RIPOR2: variants seen among roughly 807,000 people sequenced by gnomAD.
RIPOR2 encodes the protein rho family-interacting cell polarization regulator 2.
A neutral mutation model predicts 114.5 loss-of-function variants in RIPOR2; 39 were observed. The ratio of observed to expected loss-of-function variants is 0.34; its 90% CI spans 0.26 to 0.44. The LOEUF (loss-of-function observed/expected upper bound fraction) is 0.44. Ranked by LOEUF, RIPOR2 falls within the 20% of genes least tolerant of loss-of-function variation. RIPOR2 has a pLI of 1.00. For synonymous variants in RIPOR2, 445 were observed against 484.4 expected, an observed-to-expected ratio of 0.92 and a Z score of 1.07; for missense variants, 1,007 against 1,255.1, an observed-to-expected ratio of 0.80 and a Z score of 2.99.
At chr6:24,827,144 A>G (rs560388236) in intron 18 of RIPOR2, among the ~76,000 whole-genome samples, 13 of 152,282 alleles carry the variant, frequency 8.5e-5, no homozygotes, top group African/African-American at 3.1e-4. Flanking sequence ...AATGAAGACT[A>G]TAATATTATA....
chr6:24,920,499 A>G (rs1224868044), intron 1 of RIPOR2, among the ~76,000 whole-genome samples: 1 of 152,204 alleles, frequency 6.6e-6, no homozygotes, highest in Non-Finnish European at 1.5e-5. Flanking sequence ...TAGTGTTCTG[A>G]ACAGTTTGCA....
intron 1 of RIPOR2, among the ~76,000 whole-genome samples, chr6:24,927,842 C>A (rs745755124): frequency 5.9e-5 from 9 of 152,154 alleles, no homozygotes; most frequent in Non-Finnish European, 1.2e-4. Context: ...TTTGCTCATT[C>A]CACAGCATAT....
At chr6:24,945,520 A>G (rs1358074018) in intron 1 of RIPOR2, among the ~76,000 whole-genome samples, 2 of 152,226 alleles carry the variant, frequency 1.3e-5, no homozygotes, top group Non-Finnish European at 2.9e-5. Context: ...GATTTAAAAG[A>G]CAATTGCGTA....
chr6:24,980,240 T>C (rs1337977768), intron 1 of RIPOR2, among the ~76,000 whole-genome samples: 1 of 152,220 alleles, frequency 6.6e-6, no homozygotes, highest in Non-Finnish European at 1.5e-5. Flanking sequence ...TACTCTCCTT[T>C]CAGCTTTGTC....
intron 21 of RIPOR2, among the ~76,000 whole-genome samples, chr6:24,807,356 C>T (rs1280024158): frequency 6.6e-6 from 1 of 152,034 alleles, no homozygotes. Flanking sequence ...ACCTGTAGTC[C>T]CAGCTACTTG....
At chr6:24,991,546 G>T (rs1774815714) in intron 1 of RIPOR2, among the ~76,000 whole-genome samples, 2 of 152,098 alleles carry the variant, frequency 1.3e-5, no homozygotes, top group South Asian at 2.1e-4. Flanking sequence ...GTAACCAAGG[G>T]ACATCTATGC....
intron 1 of RIPOR2, among the ~76,000 whole-genome samples, chr6:25,005,740 T>TATAA (rs1491374316): frequency 9.6e-6 from 1 of 104,520 alleles, no homozygotes; most frequent in East Asian, 3.8e-4. Flanking sequence ...TATATATATA[T>TATAA]ACATTTACCG....
intron 1 of RIPOR2, among the ~76,000 whole-genome samples, chr6:24,964,782 C>T (rs1773454329): frequency 6.6e-6 from 1 of 152,222 alleles, no homozygotes; most frequent in Non-Finnish European, 1.5e-5. Flanking sequence ...AGTTTCTTCA[C>T]ATACTCACCT....
chr6:24,885,639 T>G (rs1393397281), intron 1 of RIPOR2, among the ~76,000 whole-genome samples: 1 of 152,208 alleles, frequency 6.6e-6, no homozygotes. Context: ...GCTACAGCTG[T>G]TTGAACTTTT....
chr6:25,003,690 C>T (rs1775420001), intron 1 of RIPOR2, among the ~76,000 whole-genome samples: 1 of 152,090 alleles, frequency 6.6e-6, no homozygotes, highest in African/African-American at 2.4e-5. Flanking sequence ...CTTGGCCTCC[C>T]AAAGTGCTGG....
At chr6:24,834,767 G>A (rs1399349680) in intron 15 of RIPOR2, among the ~76,000 whole-genome samples, 1 of 152,080 alleles carries the variant, frequency 6.6e-6, no homozygotes, top group Non-Finnish European at 1.5e-5. Context: ...GGGACCATAG[G>A]CCTGTGCCAC....
intron 7 of RIPOR2, among the ~76,000 whole-genome samples, chr6:24,864,939 T>C (rs1416876429): frequency 6.6e-6 from 1 of 152,104 alleles, no homozygotes; most frequent in Non-Finnish European, 1.5e-5. Flanking sequence ...GGCAATGTGG[T>C]TTACGCATTC....
chr6:25,027,224 A>G (rs979073504), intron 1 of RIPOR2, among the ~76,000 whole-genome samples: 4 of 152,216 alleles, frequency 2.6e-5, no homozygotes, highest in Non-Finnish European at 4.4e-5. Context: ...GCAAACGACA[A>G]TCGCGTAGGG....
chr6:25,004,109 A>G (rs1339899223), intron 1 of RIPOR2, among the ~76,000 whole-genome samples: 1 of 152,232 alleles, frequency 6.6e-6, no homozygotes, highest in Non-Finnish European at 1.5e-5. Flanking sequence ...TGACATGTTC[A>G]TTGTCTCAAC....
intron 21 of RIPOR2, among the ~76,000 whole-genome samples, chr6:24,809,485 C>G (rs989179608): frequency 5.3e-5 from 8 of 152,194 alleles, no homozygotes; most frequent in Non-Finnish European, 1.0e-4. Flanking sequence ...TATAGAAAGT[C>G]TCCAGACAAT....
At chr6:24,862,847 G>A (rs4256430) in intron 7 of RIPOR2, among the ~76,000 whole-genome samples, 63,637 of 150,764 alleles carry the variant, frequency 0.42, 13,603 homozygotes, top group Middle Eastern at 0.5. Context: ...TGCTGCACAC[G>A]AAAAAGCACC....
At chr6:24,927,875 A>G (rs1196765285) in intron 1 of RIPOR2, among the ~76,000 whole-genome samples, 1 of 152,200 alleles carries the variant, frequency 6.6e-6, no homozygotes, top group Admixed American at 6.5e-5. Flanking sequence ...CTCAGTTTGG[A>G]AGTCTGGAAG....
intron 1 of RIPOR2, among the ~76,000 whole-genome samples, chr6:24,913,248 T>G (rs907270545): frequency 5.9e-5 from 9 of 152,028 alleles, no homozygotes; most frequent in African/African-American, 1.9e-4. Context: ...CTTTAGAGAT[T>G]CCATGAGGTT....
intron 1 of RIPOR2, among the ~76,000 whole-genome samples, chr6:24,933,946 A>G (rs1034414332): frequency 3.3e-5 from 5 of 152,224 alleles, no homozygotes; most frequent in Non-Finnish European, 5.9e-5. Context: ...AGGAGAGAGA[A>G]CACACAGGTT....
Sources: allele counts gnomAD v4.1 joint callset (sites outside exome capture counted in the v4.1 genomes callset), GRCh38; gene constraint gnomAD v4.1.1; transcripts MANE v1.5; gene names NCBI Gene and HGNC (gene_info 2026-07-23, HGNC 2026-07-21).